Variants in MYO5C observed in about 807,000 individuals in gnomAD.
MYO5C encodes the protein unconventional myosin-Vc.
In MYO5C, 194 loss-of-function variants were observed where a neutral mutation model predicts 235.7. The ratio of observed to expected loss-of-function variants is 0.82; its 90% CI spans 0.73 to 0.93. The LOEUF (loss-of-function observed/expected upper bound fraction) is 0.93. Ranked by LOEUF, MYO5C falls within the 40% of genes least tolerant of loss-of-function variation. The pLI is 0.00. For missense variants in MYO5C, 2,038 were observed against 2,127.2 expected (o/e 0.96, Z 0.82); for synonymous variants, 707 against 754.8 (o/e 0.94, Z 1.04).
Position 52,295,777 on chromosome 15 carries a change from C to T in MYO5C, c.-141G>A, listed in dbSNP as rs2037491170. The T allele has an allele frequency of 9.6e-6, 5 of 520,882 alleles. No homozygotes were observed. The South Asian group carries it at 2.1e-4, about 22-fold the overall frequency. The allele number at this position is 520,882 out of a possible 1,614,324, so 32.3% of individuals were successfully genotyped here. A position where few individuals can be genotyped will look rare whatever the true frequency, so the allele number is the denominator to read the frequency against. ...ATCTTGCCCAAAGTTTTCCAACGGC[C>T]TCCTGTTCCCGTTCCCGAGTTGGCG... On this transcript the variant is annotated 5_prime_UTR_variant, in exon 1 of 41. Transcript: ENST00000261839.
chr15:52,246,316 A>G (rs8042385), intron 16 of MYO5C, among the ~76,000 whole-genome samples: 116,645 of 152,112 alleles, frequency 0.77, 48,355 homozygotes, highest in Non-Finnish European at 0.94. Flanking sequence ...TCAAACGACA[A>G]CCAGGTGGAA....
chr15:52,219,850 TG>T (rs59171694), intron 30 of MYO5C, 28 bp from the exon 31 acceptor site: 4 of 1,556,706 alleles, frequency 2.6e-6, no homozygotes, highest in South Asian at 1.1e-5. Flanking sequence ...GTCAGTACTT[TG>T]GGGGGGCACA....
At chr15:52,211,262 C>A (rs1259100584) in intron 35 of MYO5C, among the ~76,000 whole-genome samples, 1 of 152,214 alleles carries the variant, frequency 6.6e-6, no homozygotes, top group Admixed American at 6.5e-5. Flanking sequence ...CTCATAGCTA[C>A]AATAGCTTAA....
chr15:52,256,562 A>AACACACACAC lies in MYO5C; in HGVS notation c.1395+67_1395+76dup, dbSNP rs373248361. On this transcript the variant is annotated intron_variant, in intron 11 of 40. Transcript: ENST00000261839. ...AGAAAGAAGAATGCCTCTTTCCACG[A>AACACACACAC]ACACACACACACACACACACACACA... is the stretch of plus-strand genomic sequence containing the variant. The AACACACACAC allele has an allele frequency of 4.6e-3, 2,894 of 631,680 alleles. 50 individuals are homozygous for AACACACACAC. The highest frequency in any genetic ancestry group is 0.039 in the African/African-American group (1,782 of 45,874). 39.1% of individuals were successfully genotyped at this position (631,680 alleles called of 1,614,324 possible).
chr15:52,233,315 T>A (rs28698957), intron 23 of MYO5C, among the ~76,000 whole-genome samples: 20,219 of 32,598 alleles, frequency 0.62, 8,692 homozygotes, highest in Middle Eastern at 0.82. Context: ...AAAAAAAAAA[T>A]AAATAAATAA....
chr15:52,232,328 G>GGAAAGAAGGGAGGAGAGAAGGAAGGAAA (rs1491544929), intron 24 of MYO5C, among the ~76,000 whole-genome samples: 4 of 18,664 alleles, frequency 2.1e-4, no homozygotes, highest in African/African-American at 4.0e-4. Flanking sequence ...AAGGAAGGAA[G>GGAAAGAAGGGAGGAGAGAAGGAAGGAAA]GAGAGAAAGA....
At chr15:52,285,456 C>G (rs1033814186) in intron 1 of MYO5C, among the ~76,000 whole-genome samples, 3 of 148,492 alleles carry the variant, frequency 2.0e-5, no homozygotes, top group African/African-American at 7.5e-5. Context: ...TCCTCTCCCT[C>G]TCCCGTCTCC....
chr15:52,217,512 C>A (rs1392098992), intron 32 of MYO5C, among the ~76,000 whole-genome samples: 1 of 152,220 alleles, frequency 6.6e-6, no homozygotes, highest in Admixed American at 6.5e-5. Flanking sequence ...CAAGGCAAGG[C>A]AAGGCAGCCT....
At chr15:52,248,959 A>G (rs560558641) in intron 13 of MYO5C, among the ~76,000 whole-genome samples, 176 bp from the exon 14 acceptor site, 1 of 152,316 alleles carries the variant, frequency 6.6e-6, no homozygotes, top group South Asian at 2.1e-4. Context: ...TAAGCTGGGA[A>G]TGTGTCTTCT....
rs2037124608 is a variant in MYO5C at position 52,279,646 on chromosome 15, G to C, written c.167C>G (p.Ser56Cys). ...GTCAGGATTCCGAAGTGGAGGCAGA[G>C]ATTCTGGATTGACAGAATAATCCAG... ...TELDYSVNPESLPPLRNPDIL... is the reference protein window; with the variant it reads ...TELDYSVNPECLPPLRNPDIL... The change falls in exon 3 of 41, where the codon TCT becomes TGT. Residue 56 changes from serine (S) to cysteine (C), a missense_variant. Coordinates refer to ENST00000261839, the MANE Select transcript of MYO5C (RefSeq NM_018728.4). The C allele has an allele frequency of 6.2e-7, 1 of 1,613,388 alleles. No homozygotes were observed. Among genetic ancestry groups the C allele is most frequent in the Non-Finnish European group, 8.5e-7 (1 of 1,179,300 alleles).
rs2037408249 is a variant in MYO5C at position 52,292,158 on chromosome 15, T to G, written c.27+3452A>C. 2.0e-5 allele frequency among the ~76,000 whole-genome samples: 3 copies of G among 152,242 alleles called. No individual in the cohort carries two copies. The South Asian group carries it at 6.2e-4, about 31-fold the overall frequency. Reference sequence around the variant, plus strand: ...TACTTTTAATGGCTTCATGCTGTTTTACCATGTGAATCTTCCATAATTTAC... The same window carrying G: ...TACTTTTAATGGCTTCATGCTGTTTGACCATGTGAATCTTCCATAATTTAC... On this transcript the variant is annotated intron_variant, in intron 1 of 40. Coordinates refer to ENST00000261839, the MANE Select transcript of MYO5C (RefSeq NM_018728.4).
chr15:52,213,603 A>G, intron 33 of MYO5C: 1 of 215,498 alleles, frequency 4.6e-6, no homozygotes, highest in South Asian at 1.1e-4. Context: ...CAAGATGCCA[A>G]TGCTACTGTG....
intron 29 of MYO5C, among the ~76,000 whole-genome samples, chr15:52,221,999 T>C (rs1187890676): frequency 1.3e-5 from 2 of 152,226 alleles, no homozygotes; most frequent in Non-Finnish European, 2.9e-5. Context: ...CAGTATAGTA[T>C]TTGATAAGTT....
At chr15:52,219,575 G>A (rs2035631697) in intron 31 of MYO5C, among the ~76,000 whole-genome samples, 184 bp downstream of exon 31, 1 of 152,228 alleles carries the variant, frequency 6.6e-6, no homozygotes, top group African/African-American at 2.4e-5. Flanking sequence ...TCCCAGAGAT[G>A]CTGCTGCTGC....
rs764486819 is a variant in MYO5C at position 52,205,038 on chromosome 15, G to A, written c.4647C>T (p.Thr1549=). 6.2e-7 allele frequency: 1 copy of A among 1,614,234 alleles called. No homozygotes were observed. Among genetic ancestry groups the A allele is most frequent in the South Asian group, 1.1e-5 (1 of 91,088 alleles). The change falls in exon 38 of 41, where the codon ACC becomes ACT. Residue 1549 remains threonine, a synonymous_variant. Transcript: ENST00000261839. The part of the protein sequence containing the change: ...SIDDTDGYTM[T]SVLQQLSYFY... Reference sequence around the variant, plus strand: ...AGTAGCTCAGCTGTTGCAGGACGGAGGTCATGGTGTAGCCGTCCGTGTCGT... The same window carrying A: ...AGTAGCTCAGCTGTTGCAGGACGGAAGTCATGGTGTAGCCGTCCGTGTCGT...
intron 4 of MYO5C, among the ~76,000 whole-genome samples, 181 bp downstream of exon 4, chr15:52,278,692 A>G (rs942034134): frequency 6.6e-6 from 1 of 152,210 alleles, no homozygotes; most frequent in Non-Finnish European, 1.5e-5. Context: ...CAGTCTTGAC[A>G]GGTCAGGTAC....
chr15:52,278,731 G>C (rs769988515), intron 4 of MYO5C, 142 bp downstream of exon 4: 10 of 944,570 alleles, frequency 1.1e-5, no homozygotes, highest in Non-Finnish European at 1.4e-5. Flanking sequence ...ATTCATTCCA[G>C]GTAGTCGGCT....
At position 52,295,647 on chromosome 15, in the gene MYO5C, G is replaced by A; in HGVS notation, c.-11C>T. The A allele has an allele frequency of 6.8e-7, 1 of 1,461,428 alleles. No homozygotes were observed. The highest frequency in any genetic ancestry group is 9.0e-7 in the Non-Finnish European group (1 of 1,110,046). 90.5% of individuals were successfully genotyped at this position (1,461,428 alleles called of 1,614,324 possible). On this transcript the variant is annotated 5_prime_UTR_variant, in exon 1 of 41. Transcript: ENST00000261839. ...CTCGGCCACCGCCATGGGCAGGAGG[G>A]GCCGGGGCCAGGCCGGGGCTGCCGA...
At chr15:52,199,493 T>A (rs1339289781) in intron 38 of MYO5C, among the ~76,000 whole-genome samples, 1 of 152,058 alleles carries the variant, frequency 6.6e-6, no homozygotes. Flanking sequence ...GAATTTGAAG[T>A]CCTTCCAAGT....
Sources: allele counts gnomAD v4.1 joint callset (sites outside exome capture counted in the v4.1 genomes callset), GRCh38; gene constraint gnomAD v4.1.1; transcripts MANE v1.5; gene names NCBI Gene and HGNC (gene_info 2026-07-23, HGNC 2026-07-21).